CDK14: variants seen among roughly 807,000 people sequenced by gnomAD.
CDK14 encodes the protein cyclin-dependent kinase 14.
A neutral mutation model predicts 60.7 loss-of-function variants in CDK14; 34 were observed. The ratio of observed to expected loss-of-function variants is 0.56; its 90% CI spans 0.43 to 0.75. The LOEUF (loss-of-function observed/expected upper bound fraction) is 0.75, where lower values mean the gene tolerates loss of function less well. CDK14 is among the 30% of genes least tolerant of loss of function. CDK14 has a pLI of 0.00. For missense variants in CDK14, 482 were observed against 564.1 expected (o/e 0.85, Z 1.47); for synonymous variants, 197 against 203.7 (o/e 0.97, Z 0.28).
chr7:90,643,855 T>A (rs1169717299), intron 2 of CDK14, among the ~76,000 whole-genome samples: 1 of 152,204 alleles, frequency 6.6e-6, no homozygotes, highest in Non-Finnish European at 1.5e-5. Flanking sequence ...TTTATTTTTT[T>A]AGCAATATAG....
intron 14 of CDK14, among the ~76,000 whole-genome samples, chr7:91,145,484 C>T (rs1800597974): frequency 6.6e-6 from 1 of 152,156 alleles, no homozygotes. Context: ...AGACAGTAAC[C>T]GTTGTTTGAG....
chr7:91,167,535 T>C (rs570830235), intron 14 of CDK14, among the ~76,000 whole-genome samples: 1 of 152,324 alleles, frequency 6.6e-6, no homozygotes, highest in Admixed American at 6.5e-5. Flanking sequence ...ATAATGTAGA[T>C]AGGGTCATGG....
chr7:90,689,849 A>C (rs1165763311), intron 2 of CDK14, among the ~76,000 whole-genome samples: 2 of 152,202 alleles, frequency 1.3e-5, no homozygotes, highest in African/African-American at 4.8e-5. Flanking sequence ...TTTGCCGAAT[A>C]GATGAGGAAT....
intron 12 of CDK14, among the ~76,000 whole-genome samples, chr7:91,111,269 T>C (rs1799461538): frequency 6.6e-6 from 1 of 152,118 alleles, no homozygotes; most frequent in Admixed American, 6.5e-5. Context: ...TCCCCAACAA[T>C]TTGAAATAAA....
At chr7:90,687,619 G>A (rs1801464404) in intron 2 of CDK14, among the ~76,000 whole-genome samples, 1 of 151,964 alleles carries the variant, frequency 6.6e-6, no homozygotes, top group Admixed American at 6.6e-5. Flanking sequence ...AAATGGGGAA[G>A]TGATATGCTA....
At position 91,116,081 on chromosome 7, in the gene CDK14, G is replaced by A. The variant is rs17163599; in HGVS notation, c.1295-1984G>A. On this transcript the variant is annotated intron_variant, in intron 13 of 14. Coordinates refer to ENST00000380050, the MANE Select transcript of CDK14 (RefSeq NM_001287135.2). Reference sequence around the variant, plus strand: ...CCCACTTCTTCTCAAAGATTTAATTGCAGGGAAGTAAATGGAGGGCTGATT... The same window carrying A: ...CCCACTTCTTCTCAAAGATTTAATTACAGGGAAGTAAATGGAGGGCTGATT... Among the ~76,000 whole-genome samples the A allele has an allele frequency of 8.8e-3, 1,343 of 152,210 alleles. 13 individuals carry two copies. The highest frequency in any genetic ancestry group is 0.03 in the African/African-American group (1,259 of 41,512).
intron 2 of CDK14, among the ~76,000 whole-genome samples, chr7:90,669,830 C>G (rs1345722362): frequency 6.6e-6 from 1 of 152,074 alleles, no homozygotes; most frequent in African/African-American, 2.4e-5. Context: ...GTGAGACAGA[C>G]AGACATGAGT....
At chr7:90,773,919 T>TC (rs1168044766) in intron 4 of CDK14, among the ~76,000 whole-genome samples, 1 of 143,188 alleles carries the variant, frequency 7.0e-6, no homozygotes, top group African/African-American at 2.6e-5. Context: ...TTTTTTTTTT[T>TC]TTGAGATGGA....
intron 14 of CDK14, among the ~76,000 whole-genome samples, chr7:91,120,300 C>A (rs2116384486): frequency 6.6e-6 from 1 of 152,200 alleles, no homozygotes. Context: ...AGAAGGGTTG[C>A]TCAGAAAGTC....
intron 6 of CDK14, among the ~76,000 whole-genome samples, chr7:90,874,736 G>A (rs1490805119): frequency 1.3e-5 from 2 of 150,152 alleles, no homozygotes; most frequent in Non-Finnish European, 3.0e-5. Context: ...CACCTTGTTA[G>A]CCAGGATGGT....
At chr7:91,110,137 A>G (rs1584074152) in intron 12 of CDK14, among the ~76,000 whole-genome samples, 1 of 152,136 alleles carries the variant, frequency 6.6e-6, no homozygotes, top group Admixed American at 6.5e-5. Context: ...CAACTTAGGT[A>G]GACCGAAAAA....
intron 2 of CDK14, among the ~76,000 whole-genome samples, chr7:90,713,216 C>G (rs929270396): frequency 3.3e-5 from 5 of 152,048 alleles, no homozygotes; most frequent in Non-Finnish European, 5.9e-5. Flanking sequence ...TGAGGGGACC[C>G]TTTTTAGAAA....
rs1315277081 is a variant in CDK14 at position 90,874,481 on chromosome 7, T to C, written c.639+11212T>C. On this transcript the variant is annotated intron_variant, in intron 6 of 14. Coordinates refer to ENST00000380050, the MANE Select transcript of CDK14 (RefSeq NM_001287135.2). ...GCTCATTGGGTGTACTTTTTCAATC[T>C]GGAATCTCATGTCCTTTCATCCTTT... 4.1e-5 allele frequency among the ~76,000 whole-genome samples: 6 copies of C among 146,346 alleles called. 1 individual carries two copies. The highest frequency in any genetic ancestry group is 1.5e-4 in the African/African-American group (6 of 40,270).
In CDK14 at chr7:91,143,584, G is replaced by A. The variant is rs116866463; in HGVS notation, c.*28+25376G>A. 1.4e-3 allele frequency among the ~76,000 whole-genome samples: 218 copies of A among 152,230 alleles called. 6 individuals carry two copies. In the East Asian group the frequency reaches 0.038, roughly 27 times the overall value. On this transcript the variant is annotated intron_variant, in intron 14 of 14. Coordinates refer to ENST00000380050, the MANE Select transcript of CDK14 (RefSeq NM_001287135.2). ...AAAAAATAAAACATTAGCCAGGCGTGGTAGTGCTCACCTGTAGTCCCAGCT... is the reference window on the plus strand; with the variant it reads ...AAAAAATAAAACATTAGCCAGGCGTAGTAGTGCTCACCTGTAGTCCCAGCT...
intron 9 of CDK14, among the ~76,000 whole-genome samples, chr7:90,976,217 C>G (rs540732457): frequency 5.3e-5 from 8 of 152,196 alleles, no homozygotes; most frequent in South Asian, 4.1e-4. Flanking sequence ...TAATGGCCAT[C>G]ATAATTGGAG....
At chr7:91,104,367 C>A (rs535889153) in intron 12 of CDK14, among the ~76,000 whole-genome samples, 2 of 152,290 alleles carry the variant, frequency 1.3e-5, no homozygotes, top group African/African-American at 4.8e-5. Context: ...GGAATCCCCT[C>A]AAGACAAGGA....
chr7:90,722,111 C>A (rs1024208455), intron 2 of CDK14, among the ~76,000 whole-genome samples: 2 of 151,670 alleles, frequency 1.3e-5, no homozygotes, highest in African/African-American at 4.8e-5. Flanking sequence ...TTTCTCCCCT[C>A]TTACCCCTCT....
chr7:91,115,990 T>C (rs1400334051), intron 13 of CDK14, among the ~76,000 whole-genome samples: 1 of 152,196 alleles, frequency 6.6e-6, no homozygotes, highest in Non-Finnish European at 1.5e-5. Flanking sequence ...ATCTGGCTGT[T>C]AAAGCTGGCT....
At chr7:91,108,856 T>G (rs1799389885) in intron 12 of CDK14, among the ~76,000 whole-genome samples, 1 of 152,200 alleles carries the variant, frequency 6.6e-6, no homozygotes, top group Non-Finnish European at 1.5e-5. Flanking sequence ...ACCAAAAAAG[T>G]CTTAAAGTTA....
Sources: allele counts gnomAD v4.1 joint callset (sites outside exome capture counted in the v4.1 genomes callset), GRCh38; gene constraint gnomAD v4.1.1; transcripts MANE v1.5; gene names NCBI Gene and HGNC (gene_info 2026-07-23, HGNC 2026-07-21).